Variants in DPYSL5 observed in about 807,000 individuals in gnomAD.
The protein encoded by DPYSL5 is dihydropyrimidinase like 5.
Under a neutral mutation model 58.4 loss-of-function variants are expected in DPYSL5, and 9 were observed. That is an observed-to-expected ratio of 0.15 (90% CI 0.09 to 0.27). The LOEUF (loss-of-function observed/expected upper bound fraction) is 0.27, where lower values mean the gene tolerates loss of function less well. Ranked by LOEUF, DPYSL5 falls within the 10% of genes least tolerant of loss-of-function variation. The probability of loss-of-function intolerance (pLI) is 1.00; values close to 1 mark genes in which losing one functional copy is unlikely to be tolerated. For missense variants in DPYSL5, 499 were observed against 770.6 expected (o/e 0.65, Z 4.17); for synonymous variants, 293 against 301.9 (o/e 0.97, Z 0.31).
chr2:26,918,822 A>G (rs1469271568), intron 2 of DPYSL5, among the ~76,000 whole-genome samples: 1 of 152,182 alleles, frequency 6.6e-6, no homozygotes, highest in Non-Finnish European at 1.5e-5. Flanking sequence ...GTATGAAGAT[A>G]TGCTCTAGGA....
At chr2:26,932,183 G>GA (rs752903114) in intron 6 of DPYSL5, among the ~76,000 whole-genome samples, 1 of 75,324 alleles carries the variant, frequency 1.3e-5, no homozygotes, top group African/African-American at 4.7e-5. Context: ...AAGAAAGAAA[G>GA]AAAGAAAGAA....
In DPYSL5 at chr2:26,944,625, G is replaced by A. The variant is rs751030544; in HGVS notation, c.1441-31G>A. 2 of 1,608,278 alleles carry A rather than the reference G, an allele frequency of 1.2e-6. No homozygotes were observed. Among genetic ancestry groups the A allele is most frequent in the Non-Finnish European group, 1.7e-6 (2 of 1,176,762 alleles). On this transcript the variant is annotated intron_variant, in intron 11 of 12. Coordinates refer to ENST00000288699, the MANE Select transcript of DPYSL5 (RefSeq NM_020134.4). The surrounding 1 kb of genome is among the most constrained non-coding windows in gnomAD (Gnocchi z 4.4). Reference sequence around the variant, plus strand: ...CACTCAGCTCTGATGGTGTTGTCCTGTTCTTCTGCTCTTCTTCCATCCTTC... The same window carrying A: ...CACTCAGCTCTGATGGTGTTGTCCTATTCTTCTGCTCTTCTTCCATCCTTC...
At chr2:26,857,016 C>T (rs934537142) in intron 1 of DPYSL5, among the ~76,000 whole-genome samples, 2 of 146,850 alleles carry the variant, frequency 1.4e-5, no homozygotes, top group African/African-American at 5.4e-5. Context: ...CACTTTTAAA[C>T]TAAGCGGTGT....
intron 1 of DPYSL5, among the ~76,000 whole-genome samples, chr2:26,891,465 C>T (rs912859146): frequency 6.6e-6 from 1 of 152,160 alleles, no homozygotes; most frequent in South Asian, 2.1e-4. Context: ...TCGTTAGCCT[C>T]CGGAGACTTC....
intron 1 of DPYSL5, among the ~76,000 whole-genome samples, chr2:26,892,810 C>G (rs1663923226): frequency 7.2e-6 from 1 of 139,150 alleles, no homozygotes; most frequent in Non-Finnish European, 1.6e-5. Flanking sequence ...TCTCAGACTT[C>G]TGGGCTTCCT....
chr2:26,946,144 CCCA>C (rs1402337883), intron 12 of DPYSL5, among the ~76,000 whole-genome samples: 1 of 152,108 alleles, frequency 6.6e-6, no homozygotes, highest in Non-Finnish European at 1.5e-5. Context: ...GGCATGGACT[CCCA>C]CCGCCTTCCT....
chr2:26,939,904 C>A lies in DPYSL5; in HGVS notation c.948-127C>A, dbSNP rs544719110. 1,839 of 1,272,796 alleles carry A rather than the reference C, an allele frequency of 1.4e-3. 46 individuals carry two copies. The South Asian group carries it at 0.024, about 16-fold the overall frequency. The allele number at this position is 1,272,796 out of a possible 1,614,324, so 78.8% of individuals were successfully genotyped here. On this transcript the variant is annotated intron_variant, in intron 8 of 12. Transcript: ENST00000288699. ...CTCACGACAGACCACATGGCCTAAG[C>A]GGCAGAGCTGAAATTGGAGTCGGCT...
chr2:26,876,585 G>A (rs894484788), intron 1 of DPYSL5, among the ~76,000 whole-genome samples: 23 of 152,128 alleles, frequency 1.5e-4, no homozygotes, highest in Non-Finnish European at 2.6e-4. Flanking sequence ...GTATGATCTT[G>A]GCTCACTGCA....
At chr2:26,931,203 G>GTATATATA (rs373034710) in intron 5 of DPYSL5, among the ~76,000 whole-genome samples, 7 of 44,934 alleles carry the variant, frequency 1.6e-4, no homozygotes, top group East Asian at 8.3e-4. Flanking sequence ...GTGTGTGTGT[G>GTATATATA]TATATATATA....
chr2:26,943,713 T>G (rs934749503), intron 11 of DPYSL5, among the ~76,000 whole-genome samples: 54 of 152,266 alleles, frequency 3.5e-4, no homozygotes, highest in Admixed American at 3.2e-3. Context: ...CTGATGTAGG[T>G]ATAGTATTAT....
At chr2:26,940,943 T>TA (rs1439024268) in intron 9 of DPYSL5, among the ~76,000 whole-genome samples, 17 of 139,840 alleles carry the variant, frequency 1.2e-4, no homozygotes, top group Non-Finnish European at 2.0e-4. Context: ...TATTATTTAT[T>TA]TTTTTTTGTG....
At chr2:26,891,029 A>G (rs1448121258) in intron 1 of DPYSL5, among the ~76,000 whole-genome samples, 1 of 152,204 alleles carries the variant, frequency 6.6e-6, no homozygotes, top group East Asian at 1.9e-4. Flanking sequence ...ATTAGAGGGG[A>G]CACATACATC....
In DPYSL5 at chr2:26,849,095, G is replaced by A. The variant is rs1478269403; in HGVS notation, c.-5+841G>A. Among the ~76,000 whole-genome samples, 3 of 151,744 alleles carry A rather than the reference G, an allele frequency of 2.0e-5. No homozygotes were observed. The highest frequency in any genetic ancestry group is 2.0e-4 in the Admixed American group (3 of 15,246). ...GGAGCTGGGTTAGGACAGGTAGTGG[G>A]TCTCGGGGAGCAGGGAGTGGGAACT... On this transcript the variant is annotated intron_variant, in intron 1 of 12. Transcript: ENST00000288699. This position sits in a 1 kb window ranked among gnomAD's most constrained non-coding sequence, Gnocchi z 6.2.
At position 26,927,249 on chromosome 2, in the gene DPYSL5, C is replaced by G; in HGVS notation, c.421-4C>G. On this transcript the variant is annotated splice_polypyrimidine_tract_variant and splice_region_variant and intron_variant, in intron 3 of 12. Transcript: ENST00000288699. This position sits in a 1 kb window ranked among gnomAD's most constrained non-coding sequence, Gnocchi z 4.3. ...GCAGCATTGCCCTTCTACTTGTTCT[C>G]CAGGTGAAAGCAGAAATGGAGACAC... 1 of 1,612,206 alleles carries G rather than the reference C, an allele frequency of 6.2e-7. No homozygotes were observed. Among genetic ancestry groups the G allele is most frequent in the Non-Finnish European group, 8.5e-7 (1 of 1,179,070 alleles).
chr2:26,923,978 T>C (rs911544530), intron 2 of DPYSL5, among the ~76,000 whole-genome samples: 1 of 152,214 alleles, frequency 6.6e-6, no homozygotes, highest in Non-Finnish European at 1.5e-5. Flanking sequence ...TTTAATTCTA[T>C]TTTAAGTTTT....
At chr2:26,901,476 G>A (rs142398079) in intron 2 of DPYSL5, among the ~76,000 whole-genome samples, 49 of 152,068 alleles carry the variant, frequency 3.2e-4, no homozygotes, top group South Asian at 2.7e-3. Flanking sequence ...AATCTCCCGC[G>A]GAGAGTAAAT....
At chr2:26,885,819 T>G (rs1663703679) in intron 1 of DPYSL5, among the ~76,000 whole-genome samples, 1 of 152,206 alleles carries the variant, frequency 6.6e-6, no homozygotes, top group Non-Finnish European at 1.5e-5. Context: ...CTCAGTTCCT[T>G]GCCCCAGGGT....
At chr2:26,928,182 C>G (rs1664874164) in intron 4 of DPYSL5, 73 bp from the exon 5 acceptor site, 1 of 1,459,858 alleles carries the variant, frequency 6.8e-7, no homozygotes, top group Non-Finnish European at 9.6e-7. Context: ...ATTTCACTGT[C>G]CCTTGGGTTC....
At chr2:26,928,704 TACAC>T (rs1553320464) in intron 5 of DPYSL5, among the ~76,000 whole-genome samples, 2 of 62,958 alleles carry the variant, frequency 3.2e-5, no homozygotes, top group African/African-American at 6.3e-5. Context: ...TATATATATA[TACAC>T]ACACACACAT....
Sources: allele counts gnomAD v4.1 joint callset (sites outside exome capture counted in the v4.1 genomes callset), GRCh38; gene constraint gnomAD v4.1.1; non-coding constraint Gnocchi (gnomAD v3.1); transcripts MANE v1.5; gene names NCBI Gene and HGNC (gene_info 2026-07-23, HGNC 2026-07-21).